Variants in AP1M1 observed in about 807,000 individuals in gnomAD.
The protein encoded by AP1M1 is AP-1 complex subunit mu-1.
Under a neutral mutation model 57.1 loss-of-function variants are expected in AP1M1, and 18 were observed. That is an observed-to-expected ratio of 0.32 (90% CI 0.22 to 0.47). The LOEUF (loss-of-function observed/expected upper bound fraction) is 0.47. Ranked by LOEUF, AP1M1 falls within the 20% of genes least tolerant of loss-of-function variation. The pLI, the probability that AP1M1 is intolerant of heterozygous loss-of-function variation, is 1.00. For missense variants in AP1M1, 362 were observed against 593.5 expected (o/e 0.61, Z 4.05); for synonymous variants, 241 against 237.9 (o/e 1.01, Z -0.12).
At position 16,228,587 on chromosome 19, in the gene AP1M1, C is replaced by A. The variant is rs2091581364; in HGVS notation, c.889-183C>A. Reference sequence around the variant, plus strand: ...AGACAGGAGGATGAAGATGAAACTCCTGAAATTAGGTCTTGGGAGAGTCTC... The same window carrying A: ...AGACAGGAGGATGAAGATGAAACTCATGAAATTAGGTCTTGGGAGAGTCTC... On this transcript the variant is annotated intron_variant, in intron 8 of 11. Transcript: ENST00000291439. The surrounding 1 kb of genome is among the most constrained non-coding windows in gnomAD (Gnocchi z 5.0). Among the ~76,000 whole-genome samples, 2 of 152,124 alleles carry A rather than the reference C, an allele frequency of 1.3e-5. No homozygotes were observed. The highest frequency in any genetic ancestry group is 4.8e-5 in the African/African-American group (2 of 41,424).
In AP1M1 at chr19:16,238,680, C is replaced by T. The variant is rs1007399600; in HGVS notation, c.*4245C>T. The T allele has an allele frequency of 2.0e-5, 3 of 150,472 alleles. No individual in the cohort carries two copies. The highest frequency in any genetic ancestry group is 4.4e-5 in the Non-Finnish European group (3 of 67,868). The allele number at this position is 150,472 out of a possible 1,614,324, so 9.3% of individuals were successfully genotyped here. On this transcript the variant is annotated 3_prime_UTR_variant, in exon 12 of 12. Transcript: ENST00000291439. Reference sequence around the variant, plus strand: ...CTGCTGTGTTGGCAATTTCCTTAAGCTTGGTATTGCTTAGTGGCTTGTTCT... The same window carrying T: ...CTGCTGTGTTGGCAATTTCCTTAAGTTTGGTATTGCTTAGTGGCTTGTTCT...
In AP1M1 at chr19:16,240,450, G is replaced by A. The variant is rs1197446832; in HGVS notation, c.*6015G>A. On this transcript the variant is annotated 3_prime_UTR_variant, in exon 12 of 12. Coordinates refer to ENST00000291439, the MANE Select transcript of AP1M1 (RefSeq NM_032493.4). ...CCAAAATTAATGAAAATCTTGAAGT[G>A]TTTTTTGTTTTTCATTTTGACGGAG... 1 of 152,072 alleles carries A rather than the reference G, an allele frequency of 6.6e-6. No individual in the cohort carries two copies. The highest frequency in any genetic ancestry group is 1.9e-4 in the East Asian group (1 of 5,190). 9.4% of individuals were successfully genotyped at this position (152,072 alleles called of 1,614,324 possible). A position where few individuals can be genotyped will look rare whatever the true frequency, so the allele number is the denominator to read the frequency against.
chr19:16,225,577 A>G (rs547161060), intron 5 of AP1M1, among the ~76,000 whole-genome samples: 47 of 152,294 alleles, frequency 3.1e-4, no homozygotes, highest in African/African-American at 1.1e-3. Flanking sequence ...GTGGATTTTC[A>G]GTTGCACTTT....
intron 1 of AP1M1, 34 bp downstream of exon 1, chr19:16,198,102 G>A (rs758111620): frequency 6.3e-7 from 1 of 1,593,460 alleles, no homozygotes; most frequent in South Asian, 1.1e-5. Context: ...CTGTTGCCAG[G>A]CAACCGGCAG....
intron 5 of AP1M1, 140 bp from the exon 6 acceptor site, chr19:16,226,281 C>T (rs961325191): frequency 1.6e-6 from 2 of 1,251,812 alleles, no homozygotes; most frequent in Non-Finnish European, 2.2e-6. Flanking sequence ...TCTCCCAGCT[C>T]AGGGGATGCC....
intron 2 of AP1M1, among the ~76,000 whole-genome samples, chr19:16,204,623 G>A (rs903793880): frequency 2.0e-5 from 3 of 152,194 alleles, no homozygotes; most frequent in Non-Finnish European, 4.4e-5. Context: ...CAGAATATCC[G>A]CTGGGAGCCC....
In AP1M1 at chr19:16,226,643, G is replaced by T. The variant is rs1033166362; in HGVS notation, c.673+96G>T. ...AGGGTTGGGCCAGGCGGAGGAACGA[G>T]CTGGTTTCAAGCACTTGGTTGAGCA... On this transcript the variant is annotated intron_variant, in intron 6 of 11. Coordinates refer to ENST00000291439, the MANE Select transcript of AP1M1 (RefSeq NM_032493.4). 9.7e-6 allele frequency: 14 copies of T among 1,442,456 alleles called. No homozygotes were observed. The African/African-American group carries it at 1.4e-4, about 14-fold the overall frequency. The allele number at this position is 1,442,456 out of a possible 1,614,324, so 89.4% of individuals were successfully genotyped here. A position where few individuals can be genotyped will look rare whatever the true frequency, so the allele number is the denominator to read the frequency against.
rs190533719 is a variant in AP1M1, at chr19:16,197,991, C to T, written c.-36C>T. 1.9e-4 allele frequency: 295 copies of T among 1,547,906 alleles called. 3 individuals are homozygous for T. The African/African-American group carries it at 3.8e-3, about 20-fold the overall frequency. On this transcript the variant is annotated 5_prime_UTR_variant, in exon 1 of 12. Coordinates refer to ENST00000291439, the MANE Select transcript of AP1M1 (RefSeq NM_032493.4). ...TCCCCACCGTCGCTGCCGCCGCCACCGCCCTCGGCCGCTGCCGAGGCCTCC... is the reference window on the plus strand; with the variant it reads ...TCCCCACCGTCGCTGCCGCCGCCACTGCCCTCGGCCGCTGCCGAGGCCTCC...
Position 16,234,570 on chromosome 19 carries a change from G to C in AP1M1, c.*135G>C. On this transcript the variant is annotated 3_prime_UTR_variant, in exon 12 of 12. Transcript: ENST00000291439. Reference sequence around the variant, plus strand: ...TCCCAGCCTCTGCCCAGGGACCCCTGCCTTCCCCAGGCCATCTGCTCTGCC... The same window carrying C: ...TCCCAGCCTCTGCCCAGGGACCCCTCCCTTCCCCAGGCCATCTGCTCTGCC... 8.8e-7 allele frequency: 1 copy of C among 1,135,612 alleles called. No homozygotes were observed. Among genetic ancestry groups the C allele is most frequent in the East Asian group, 2.6e-5 (1 of 38,918 alleles). 70.3% of individuals were successfully genotyped at this position (1,135,612 alleles called of 1,614,324 possible). A position where few individuals can be genotyped will look rare whatever the true frequency, so the allele number is the denominator to read the frequency against.
At chr19:16,229,612 G>T (rs1345715634) in intron 9 of AP1M1, among the ~76,000 whole-genome samples, 1 of 152,214 alleles carries the variant, frequency 6.6e-6, no homozygotes, top group African/African-American at 2.4e-5. Context: ...GGGACTTGGG[G>T]ACAGCCCCAG....
At chr19:16,224,965 GGA>G (rs149226419) in intron 5 of AP1M1, among the ~76,000 whole-genome samples, 27 of 151,292 alleles carry the variant, frequency 1.8e-4, no homozygotes, top group African/African-American at 5.8e-4. Flanking sequence ...CCCCCAGCAG[GGA>G]GAGAGAGAGA....
chr19:16,220,227 C>G (rs1052920028), intron 5 of AP1M1, among the ~76,000 whole-genome samples: 1 of 152,112 alleles, frequency 6.6e-6, no homozygotes, highest in African/African-American at 2.4e-5. Context: ...TTTCTTGAGT[C>G]AGGGCTTCGA....
chr19:16,205,129 G>A (rs191061678), intron 2 of AP1M1, among the ~76,000 whole-genome samples: 7 of 152,222 alleles, frequency 4.6e-5, no homozygotes, highest in East Asian at 3.9e-4. Context: ...CACCGTGCCC[G>A]GCCTAGGTGG....
At chr19:16,202,733 G>A (rs1319580732) in intron 1 of AP1M1, among the ~76,000 whole-genome samples, 1 of 152,258 alleles carries the variant, frequency 6.6e-6, no homozygotes, top group East Asian at 1.9e-4. Context: ...TTCACCTGCT[G>A]AAGGACATTG....
intron 10 of AP1M1, chr19:16,233,950 C>A (rs1222149973): frequency 3.6e-6 from 2 of 551,532 alleles, no homozygotes; most frequent in East Asian, 6.1e-5. Context: ...TCTGGCCGGG[C>A]CCCCCAAGCA....
In AP1M1 at chr19:16,240,135, T is replaced by A. The variant is rs1195432976; in HGVS notation, c.*5700T>A. The A allele has an allele frequency of 6.6e-6, 1 of 152,190 alleles. No individual in the cohort carries two copies. The highest frequency in any genetic ancestry group is 1.9e-4 in the East Asian group (1 of 5,192). The allele number at this position is 152,190 out of a possible 1,614,324, so 9.4% of individuals were successfully genotyped here. A position where few individuals can be genotyped will look rare whatever the true frequency, so the allele number is the denominator to read the frequency against. ...TGATTTAAAGATGATGTGCATAGGA[T>A]ATATGCAAATATTGTGCCATTTTAT... is the stretch of plus-strand genomic sequence containing the variant. On this transcript the variant is annotated 3_prime_UTR_variant, in exon 12 of 12. Transcript: ENST00000291439.
rs368590185 is a variant in AP1M1, at chr19:16,227,675, C to A, written c.801C>A (p.Tyr267Ter). ...ACGGCGAGTTCGAGCTCATGTCCTACCGTCTCAACACCCACGTGAGTGCGC... is the reference window on the plus strand; with the variant it reads ...ACGGCGAGTTCGAGCTCATGTCCTAACGTCTCAACACCCACGTGAGTGCGC... ...PPDGEFELMSYRLNTHVKPLI... is the reference protein window; with the variant it reads ...PPDGEFELMS The change falls in exon 7 of 12, where the codon TAC (tyrosine) becomes TAA (stop). Residue 267 changes from tyrosine (Y) to a stop codon, truncating the protein, a stop_gained. Coordinates refer to ENST00000291439, the MANE Select transcript of AP1M1 (RefSeq NM_032493.4). LOFTEE classifies it high-confidence loss of function. The surrounding 1 kb of genome is among the most constrained non-coding windows in gnomAD (Gnocchi z 6.2). The A allele has an allele frequency of 1.2e-6, 2 of 1,613,740 alleles. No individual in the cohort carries two copies. Among genetic ancestry groups the A allele is most frequent in the Non-Finnish European group, 8.5e-7 (1 of 1,179,910 alleles).
chr19:16,200,645 C>T (rs1443849911), intron 1 of AP1M1, among the ~76,000 whole-genome samples: 1 of 152,178 alleles, frequency 6.6e-6, no homozygotes, highest in African/African-American at 2.4e-5. Flanking sequence ...AATTCATGGC[C>T]ACGTGTCTGG....
chr19:16,207,795 C>T lies in AP1M1; in HGVS notation c.268-224C>T, dbSNP rs1258455623. 1.3e-5 allele frequency among the ~76,000 whole-genome samples: 2 copies of T among 152,092 alleles called. No individual in the cohort carries two copies. The highest frequency in any genetic ancestry group is 2.9e-5 in the Non-Finnish European group (2 of 68,000). On this transcript the variant is annotated intron_variant, in intron 3 of 11. Coordinates refer to ENST00000291439, the MANE Select transcript of AP1M1 (RefSeq NM_032493.4). The surrounding 1 kb of genome is among the most constrained non-coding windows in gnomAD (Gnocchi z 4.2). ...GGGAACGCAGAGCTTCTGAAGGCCT[C>T]GGGACATCTGCAGTGGCTCCAGCCT... is the stretch of plus-strand genomic sequence containing the variant.
Sources: gnomAD v4.1 joint callset for allele counts (sites outside exome capture counted in the v4.1 genomes callset) on GRCh38, gnomAD v4.1.1 for gene constraint, Gnocchi (gnomAD v3.1) non-coding constraint, MANE v1.5 for transcripts, NCBI Gene and HGNC (gene_info 2026-07-23, HGNC 2026-07-21) for gene names.